Variants in SERF2 observed in about 807,000 individuals in gnomAD.
The protein encoded by SERF2 is gastric cancer-related protein VRG107.
Under a neutral mutation model 10.7 loss-of-function variants are expected in SERF2, and 4 were observed. The observed-to-expected ratio is 0.37, with a 90% CI of 0.18 to 0.86. SERF2 has a LOEUF of 0.86. Among genes scored for constraint, SERF2 ranks in the 40% least tolerant of loss-of-function variants. The pLI is 0.43. For missense variants in SERF2, 47 were observed against 79.1 expected (o/e 0.59, Z 1.54); for synonymous variants, 26 against 26.0 (o/e 1.00, Z 0.01).
chr15:43,793,818 C>G lies in SERF2; in HGVS notation c.*45C>G, dbSNP rs750512118. The G allele has an allele frequency of 1.2e-6, 2 of 1,613,840 alleles. No homozygotes were observed. Among genetic ancestry groups the G allele is most frequent in the Non-Finnish European group, 1.7e-6 (2 of 1,180,032 alleles). The stretch of plus-strand genomic sequence containing the variant: ...ACCCTCTTGCCCTTCGCCTGTGTGC[C>G]TGGAGCCAGTCCCACCACGCTCGCG... On this transcript the variant is annotated 3_prime_UTR_variant, in exon 3 of 3. Transcript: ENST00000249786.
chr15:43,795,414 G>A lies in SERF2; in HGVS notation c.*1641G>A, dbSNP rs532961414. The A allele has an allele frequency of 3.7e-6, 6 of 1,614,198 alleles. No individual in the cohort carries two copies. In the African/African-American group the frequency reaches 6.7e-5, roughly 18 times the overall value. On this transcript the variant is annotated 3_prime_UTR_variant, in exon 3 of 3. Coordinates refer to ENST00000249786, the MANE Select transcript of SERF2 (RefSeq NM_001018108.4). ...TGAACCAGTTGGTAAGGGTAACCAT[G>A]ACATAGAGTGAGGCAAGGAAGAAGA...
At chr15:43,786,491 C>A (rs998397077) in intron 2 of SERF2, among the ~76,000 whole-genome samples, 1 of 151,394 alleles carries the variant, frequency 6.6e-6, no homozygotes, top group Non-Finnish European at 1.5e-5. Flanking sequence ...GATAATCTGA[C>A]TGGACCATTT....
chr15:43,793,440 G>T, intron 2 of SERF2: 2 of 839,108 alleles, frequency 2.4e-6, no homozygotes. Context: ...CTCCTCACTG[G>T]TGTTGCTGGG....
In SERF2 at chr15:43,795,604, A is replaced by C. The variant is rs1003946517; in HGVS notation, c.*1831A>C. 1.2e-6 allele frequency: 2 copies of C among 1,611,710 alleles called. No homozygotes were observed. The highest frequency in any genetic ancestry group is 1.7e-5 in the Admixed American group (1 of 59,956). On this transcript the variant is annotated 3_prime_UTR_variant, in exon 3 of 3. Transcript: ENST00000249786. ...GAAACACCTCTTCCCCTCTCCCCCA[A>C]CTACCTTTGTTAAGGCTCTTGAGGG...
chr15:43,793,114 G>A, intron 2 of SERF2, 31 bp downstream of exon 2: 3 of 1,430,380 alleles, frequency 2.1e-6, no homozygotes, highest in Non-Finnish European at 2.0e-6. Context: ...GAAAGGGACG[G>A]TGGAGACCTG....
At position 43,795,225 on chromosome 15, in the gene SERF2, A is replaced by G; in HGVS notation, c.*1452A>G. 1 of 1,612,920 alleles carries G rather than the reference A, an allele frequency of 6.2e-7. No individual in the cohort carries two copies. Among genetic ancestry groups the G allele is most frequent in the Non-Finnish European group, 8.5e-7 (1 of 1,178,972 alleles). On this transcript the variant is annotated 3_prime_UTR_variant, in exon 3 of 3. Transcript: ENST00000249786. ...CTGCTCCCTCATAGCTGTGTAACCA[A>G]AGGCTCTGGTTAGAGAATATGAAGG...
intron 1 of SERF2, among the ~76,000 whole-genome samples, chr15:43,783,823 G>A (rs1038171926): frequency 2.0e-5 from 3 of 149,736 alleles, no homozygotes; most frequent in East Asian, 2.0e-4. Flanking sequence ...GTGTGGTGAC[G>A]TGATCTTGGC....
rs772205377 is a variant in SERF2, at chr15:43,795,070, G to A, written c.*1297G>A. On this transcript the variant is annotated 3_prime_UTR_variant, in exon 3 of 3. Transcript: ENST00000249786. Reference sequence around the variant, plus strand: ...GCGGCGCCTCAAGATAAGGGGCTGGGGTTTCTGGGTGGGGGGCCAACAGAG... The same window carrying A: ...GCGGCGCCTCAAGATAAGGGGCTGGAGTTTCTGGGTGGGGGGCCAACAGAG... 1.9e-6 allele frequency: 3 copies of A among 1,613,618 alleles called. No homozygotes were observed. The highest frequency in any genetic ancestry group is 2.2e-5 in the East Asian group (1 of 44,886).
At position 43,795,293 on chromosome 15, in the gene SERF2, T is replaced by C. The variant is rs2087182131; in HGVS notation, c.*1520T>C. ...TGTTCTACCTCCTCACCAAATATAATGGCAGACCCATGTGTGTCTGGAATG... is the reference window on the plus strand; with the variant it reads ...TGTTCTACCTCCTCACCAAATATAACGGCAGACCCATGTGTGTCTGGAATG... On this transcript the variant is annotated 3_prime_UTR_variant, in exon 3 of 3. Coordinates refer to ENST00000249786, the MANE Select transcript of SERF2 (RefSeq NM_001018108.4). The C allele has an allele frequency of 6.3e-7, 1 of 1,588,898 alleles. No homozygotes were observed. The highest frequency in any genetic ancestry group is 1.1e-5 in the South Asian group (1 of 90,386).
chr15:43,785,171 C>G (rs191628297), intron 1 of SERF2, among the ~76,000 whole-genome samples: 2 of 148,060 alleles, frequency 1.4e-5, no homozygotes, highest in Admixed American at 6.8e-5. Flanking sequence ...TAGGTTCAAG[C>G]TATTCTCCTG....
rs760717391 is a variant in SERF2 at position 43,793,957 on chromosome 15, C to T, written c.*184C>T. 5 of 1,546,556 alleles carry T rather than the reference C, an allele frequency of 3.2e-6. No individual in the cohort carries two copies. The South Asian group carries it at 5.9e-5, about 18-fold the overall frequency. Reference sequence around the variant, plus strand: ...CTCAGGTAGCCTCTCTCCCCCTGGGCCACTCCCGGGGGTGAGGGGGTTACC... The same window carrying T: ...CTCAGGTAGCCTCTCTCCCCCTGGGTCACTCCCGGGGGTGAGGGGGTTACC... On this transcript the variant is annotated 3_prime_UTR_variant, in exon 3 of 3. Transcript: ENST00000249786.
upstream of SERF2, among the ~76,000 whole-genome samples, chr15:43,790,065 C>T (rs532839954): frequency 1.1e-4 from 17 of 151,416 alleles, no homozygotes; most frequent in South Asian, 3.3e-3. Flanking sequence ...TTGCTTGAAC[C>T]TGGGAGGTGG....
intron 1 of SERF2, among the ~76,000 whole-genome samples, chr15:43,784,187 G>A (rs2141669931): frequency 6.6e-6 from 1 of 152,140 alleles, no homozygotes; most frequent in East Asian, 1.9e-4. Flanking sequence ...CTCTCAAAGT[G>A]TTAGGATTTC....
Position 43,794,129 on chromosome 15 carries a change from C to G in SERF2, c.*356C>G, listed in dbSNP as rs1051164919. On this transcript the variant is annotated 3_prime_UTR_variant, in exon 3 of 3. Coordinates refer to ENST00000249786, the MANE Select transcript of SERF2 (RefSeq NM_001018108.4). ...CTTTCCCACCAAAAAAGGGAGAACTCTTTAGATTCAGATTGTGGGTATGTA... is the reference window on the plus strand; with the variant it reads ...CTTTCCCACCAAAAAAGGGAGAACTGTTTAGATTCAGATTGTGGGTATGTA... The G allele has an allele frequency of 7.5e-6, 5 of 668,588 alleles. No individual in the cohort carries two copies. The Admixed American group carries it at 9.2e-5, about 12-fold the overall frequency. The allele number at this position is 668,588 out of a possible 1,614,324, so 41.4% of individuals were successfully genotyped here. A position where few individuals can be genotyped will look rare whatever the true frequency, so the allele number is the denominator to read the frequency against.
At chr15:43,782,525 T>C (rs1596032649) in intron 1 of SERF2, among the ~76,000 whole-genome samples, 1 of 152,194 alleles carries the variant, frequency 6.6e-6, no homozygotes, top group African/African-American at 2.4e-5. Context: ...AGATAATTTA[T>C]CAATTTTATC....
chr15:43,794,023 G>A lies in SERF2; in HGVS notation c.*250G>A. 7.0e-7 allele frequency: 1 copy of A among 1,428,092 alleles called. No homozygotes were observed. Among genetic ancestry groups the A allele is most frequent in the Non-Finnish European group, 9.2e-7 (1 of 1,086,368 alleles). 88.5% of individuals were successfully genotyped at this position (1,428,092 alleles called of 1,614,324 possible). A position where few individuals can be genotyped will look rare whatever the true frequency, so the allele number is the denominator to read the frequency against. ...TTATTCCTGTGGGGCTCACCCCAAA[G>A]TATTAAAAGTAGCTTTGTAATTCCT... On this transcript the variant is annotated 3_prime_UTR_variant, in exon 3 of 3. Coordinates refer to ENST00000249786, the MANE Select transcript of SERF2 (RefSeq NM_001018108.4).
chr15:43,783,386 C>T (rs2086979988), intron 1 of SERF2, among the ~76,000 whole-genome samples: 1 of 151,724 alleles, frequency 6.6e-6, no homozygotes, highest in Non-Finnish European at 1.5e-5. Flanking sequence ...CAACCTCTGC[C>T]TTCTGGGTTC....
At chr15:43,785,422 G>A (rs942698100) in exon 2 of SERF2, 3 of 151,558 alleles carry the variant, frequency 2.0e-5, no homozygotes, top group Non-Finnish European at 4.4e-5. Flanking sequence ...ACATAGTCTT[G>A]CTCTGTTACC....
intron 2 of SERF2, among the ~76,000 whole-genome samples, chr15:43,787,110 C>T (rs1028389120): frequency 1.3e-5 from 2 of 151,226 alleles, no homozygotes; most frequent in Non-Finnish European, 2.9e-5. Context: ...CGCCATTCTC[C>T]TGCCTCAGCC....
Sources: allele counts gnomAD v4.1 joint callset (sites outside exome capture counted in the v4.1 genomes callset), GRCh38; gene constraint gnomAD v4.1.1; transcripts MANE v1.5; gene names NCBI Gene and HGNC (gene_info 2026-07-23, HGNC 2026-07-21).